PLCB1: variants seen among roughly 807,000 people sequenced by gnomAD.
PLCB1 encodes phospholipase C beta 1.
A neutral mutation model predicts 161.8 loss-of-function variants in PLCB1; 46 were observed. The observed-to-expected ratio is 0.28, with a 90% CI of 0.22 to 0.36. The LOEUF is 0.36. PLCB1 is among the 10% of genes least tolerant of loss of function. The probability of loss-of-function intolerance (pLI) is 1.00; values close to 1 mark genes in which losing one functional copy is unlikely to be tolerated. For synonymous variants in PLCB1, 517 were observed against 503.7 expected, an observed-to-expected ratio of 1.03 and a Z score of -0.35; for missense variants, 1,016 against 1,472.5, an observed-to-expected ratio of 0.69 and a Z score of 5.07.
chr20:8,732,965 A>G (rs188382127), intron 18 of PLCB1, among the ~76,000 whole-genome samples: 2 of 151,008 alleles, frequency 1.3e-5, no homozygotes, highest in Admixed American at 6.6e-5. Context: ...ATTAAGGCAG[A>G]TACATATTAA....
rs11341765 is a variant in PLCB1, at chr20:8,518,180, C to CA, written c.247-110101dup. 0.014 allele frequency among the ~76,000 whole-genome samples: 2,016 copies of CA among 141,456 alleles called. 67 individuals carry two copies. The East Asian group carries it at 0.15, about 10-fold the overall frequency. The allele number at this position is 141,456 out of a possible 152,430, so 92.8% of individuals were successfully genotyped here. ...CTGGTGACAGAGGGAGACTCTGTCT[C>CA]AAAAAAAAAAAAATTATCCTATTTT... On this transcript the variant is annotated intron_variant, in intron 3 of 31. Transcript: ENST00000338037.
At chr20:8,402,345 T>C (rs1040182958) in intron 3 of PLCB1, among the ~76,000 whole-genome samples, 4 of 152,194 alleles carry the variant, frequency 2.6e-5, no homozygotes, top group Non-Finnish European at 5.9e-5. Context: ...GGTTGTCTTT[T>C]GTATTCCTTA....
intron 31 of PLCB1, among the ~76,000 whole-genome samples, chr20:8,878,108 C>T (rs1359904734): frequency 6.6e-6 from 1 of 152,116 alleles, no homozygotes; most frequent in Non-Finnish European, 1.5e-5. Context: ...TAGTACTTAT[C>T]AAGCACTATG....
chr20:8,443,989 C>T (rs1465158856), intron 3 of PLCB1, among the ~76,000 whole-genome samples: 1 of 152,112 alleles, frequency 6.6e-6, no homozygotes, highest in Admixed American at 6.5e-5. Flanking sequence ...AAAGTCTCTT[C>T]ACTTAATTTA....
At chr20:8,279,080 G>A (rs530627076) in intron 2 of PLCB1, among the ~76,000 whole-genome samples, 1 of 152,136 alleles carries the variant, frequency 6.6e-6, no homozygotes, top group Admixed American at 6.5e-5. Flanking sequence ...TCCAGCTGCT[G>A]TGGAAAAAAG....
intron 7 of PLCB1, among the ~76,000 whole-genome samples, chr20:8,655,954 A>C (rs182688793): frequency 6.6e-6 from 1 of 152,068 alleles, no homozygotes; most frequent in Admixed American, 6.6e-5. Context: ...CTCTTTCTAT[A>C]AATCAAGAGG....
chr20:8,534,868 T>C (rs1387769303), intron 3 of PLCB1, among the ~76,000 whole-genome samples: 2 of 152,034 alleles, frequency 1.3e-5, no homozygotes, highest in Non-Finnish European at 2.9e-5. Context: ...TAATCCCTGC[T>C]CCTGAACCAC....
intron 2 of PLCB1, among the ~76,000 whole-genome samples, chr20:8,199,262 G>A (rs1250533142): frequency 6.6e-6 from 1 of 152,060 alleles, no homozygotes; most frequent in Non-Finnish European, 1.5e-5. Context: ...TGTCGGCAGC[G>A]CTGTAGTGGA....
intron 3 of PLCB1, among the ~76,000 whole-genome samples, chr20:8,540,624 CAT>C (rs1189627904): frequency 6.0e-5 from 9 of 150,510 alleles, no homozygotes; most frequent in African/African-American, 2.2e-4. Context: ...AATTACTCCA[CAT>C]GTCTAAGTTT....
intron 1 of PLCB1, among the ~76,000 whole-genome samples, chr20:8,140,834 T>C (rs1230157581): frequency 6.6e-6 from 1 of 152,134 alleles, no homozygotes; most frequent in Non-Finnish European, 1.5e-5. Flanking sequence ...GTTTTGCTCT[T>C]TTTGCCCAGG....
Position 8,684,921 on chromosome 20 carries a change from A to T in PLCB1, c.863-11A>T, listed in dbSNP as rs1164457724. ...ATGCATTCACATCCTTTCTAACTTC[A>T]TTTCCTCCAGGACAAATATCAGTGG... On this transcript the variant is annotated splice_polypyrimidine_tract_variant and intron_variant, in intron 9 of 31. Transcript: ENST00000338037. 3 of 1,607,880 alleles carry T rather than the reference A, an allele frequency of 1.9e-6. No homozygotes were observed. Among genetic ancestry groups the T allele is most frequent in the Non-Finnish European group, 1.7e-6 (2 of 1,175,756 alleles).
Position 8,834,837 on chromosome 20 carries a change from AC to A in PLCB1, c.3423+44578del, listed in dbSNP as rs760572268. ...AAAAAAAAAAAAAAAAAAAAAAAAAACCACAGGCTGCTGTAGAATAAAAAAG... is the reference window on the plus strand; with the variant it reads ...AAAAAAAAAAAAAAAAAAAAAAAAAACACAGGCTGCTGTAGAATAAAAAAG... On this transcript the variant is annotated intron_variant, in intron 31 of 31. Transcript: ENST00000338037. 3.7e-3 allele frequency among the ~76,000 whole-genome samples: 500 copies of A among 136,318 alleles called. 4 individuals carry two copies. The highest frequency in any genetic ancestry group is 6.0e-3 in the Non-Finnish European group (375 of 63,010). The allele number at this position is 136,318 out of a possible 152,430, so 89.4% of individuals were successfully genotyped here.
Position 8,298,016 on chromosome 20 carries a change from G to T in PLCB1, c.178-73366G>T, listed in dbSNP as rs1035236227. The stretch of plus-strand genomic sequence containing the variant: ...TATCTTTAATAAGGTGAAGCAAGAG[G>T]CTGGGTGCTTGGCTCACATCTGTAA... On this transcript the variant is annotated intron_variant, in intron 2 of 31. Coordinates refer to ENST00000338037, the MANE Select transcript of PLCB1 (RefSeq NM_015192.4). Among the ~76,000 whole-genome samples the T allele has an allele frequency of 2.0e-5, 3 of 150,252 alleles. No individual in the cohort carries two copies. The East Asian group carries it at 5.9e-4, about 30-fold the overall frequency.
At chr20:8,371,154 C>T (rs1420792046) in intron 2 of PLCB1, 4 of 495,050 alleles carry the variant, frequency 8.1e-6, no homozygotes, top group Non-Finnish European at 1.1e-5. Flanking sequence ...GGGGACATAA[C>T]CACACACTTT....
In PLCB1 at chr20:8,429,026, G is replaced by C. The variant is rs561685443; in HGVS notation, c.246+57576G>C. Among the ~76,000 whole-genome samples the C allele has an allele frequency of 2.3e-4, 35 of 152,248 alleles. No homozygotes were observed. The East Asian group carries it at 6.6e-3, about 29-fold the overall frequency. The stretch of plus-strand genomic sequence containing the variant: ...CCTTTTAAAAGCCTCTGAGAGGCCA[G>C]TATTATCCCCAGAAAGAATGAGAGG... On this transcript the variant is annotated intron_variant, in intron 3 of 31. Transcript: ENST00000338037.
chr20:8,687,942 A>G (rs1426590356), intron 10 of PLCB1, among the ~76,000 whole-genome samples: 1 of 152,224 alleles, frequency 6.6e-6, no homozygotes, highest in Non-Finnish European at 1.5e-5. Context: ...ACTAGTTTAC[A>G]TTCCCACCAG....
intron 2 of PLCB1, among the ~76,000 whole-genome samples, chr20:8,323,249 A>T (rs1342399564): frequency 5.3e-5 from 8 of 152,206 alleles, no homozygotes; most frequent in Non-Finnish European, 1.2e-4. Flanking sequence ...ATTTATTTAT[A>T]AAATACACAA....
At chr20:8,444,816 T>C (rs1295124876) in intron 3 of PLCB1, among the ~76,000 whole-genome samples, 2 of 152,234 alleles carry the variant, frequency 1.3e-5, no homozygotes, top group South Asian at 4.1e-4. Context: ...TGAGCATTTT[T>C]TCATGTGTCT....
intron 3 of PLCB1, among the ~76,000 whole-genome samples, chr20:8,578,361 T>A (rs902340116): frequency 1.3e-5 from 2 of 152,340 alleles, no homozygotes; most frequent in South Asian, 4.1e-4. Context: ...GTCCTTGATC[T>A]TTTAAAGCAC....
Sources: allele counts gnomAD v4.1 joint callset (sites outside exome capture counted in the v4.1 genomes callset), GRCh38; gene constraint gnomAD v4.1.1; transcripts MANE v1.5; gene names NCBI Gene and HGNC (gene_info 2026-07-23, HGNC 2026-07-21).